The following AKAP6 variants were observed in gnomAD, a reference collection of about 807,000 sequenced individuals.
AKAP6 encodes A-kinase anchor protein 6.
In AKAP6, 58 loss-of-function variants were observed where a neutral mutation model predicts 188.5. That is an observed-to-expected ratio of 0.31 (90% CI 0.25 to 0.38). AKAP6 has a LOEUF of 0.38. Ranked by LOEUF, AKAP6 falls within the 10% of genes least tolerant of loss-of-function variation. AKAP6 has a pLI of 1.00. For missense variants in AKAP6, 2,710 were observed against 2,740.0 expected, an observed-to-expected ratio of 0.99 and a Z score of 0.24; for synonymous variants, 989 against 998.6, an observed-to-expected ratio of 0.99 and a Z score of 0.18.
At chr14:32,712,193 A>T (rs141652289) in intron 9 of AKAP6, among the ~76,000 whole-genome samples, 2 of 152,206 alleles carry the variant, frequency 1.3e-5, no homozygotes, top group African/African-American at 4.8e-5. Flanking sequence ...TTGCGTTTAC[A>T]CTATACTGTA....
chr14:32,583,941 T>C (rs1039022552), intron 5 of AKAP6, among the ~76,000 whole-genome samples: 2 of 152,244 alleles, frequency 1.3e-5, no homozygotes, highest in Non-Finnish European at 2.9e-5. Flanking sequence ...AGGGAGGCAA[T>C]GCCTCGCCCT....
intron 1 of AKAP6, among the ~76,000 whole-genome samples, chr14:32,412,344 A>G (rs1889515914): frequency 6.6e-6 from 1 of 152,258 alleles, no homozygotes; most frequent in Non-Finnish European, 1.5e-5. Flanking sequence ...GACACCATGT[A>G]GGATGCAAAA....
At position 32,599,227 on chromosome 14, in the gene AKAP6, A is replaced by T. The variant is rs550837458; in HGVS notation, c.2470-183A>T. Among the ~76,000 whole-genome samples, 3 of 152,316 alleles carry T rather than the reference A, an allele frequency of 2.0e-5. No individual in the cohort carries two copies. In the East Asian group the frequency reaches 5.8e-4, roughly 29 times the overall value. On this transcript the variant is annotated intron_variant, in intron 5 of 13. Transcript: ENST00000280979. ...TGTTTCCAAACAGATGCACTCAGCTAATCTAATGGAAACATTTTGAGCCCA... is the reference window on the plus strand; with the variant it reads ...TGTTTCCAAACAGATGCACTCAGCTTATCTAATGGAAACATTTTGAGCCCA...
intron 2 of AKAP6, among the ~76,000 whole-genome samples, chr14:32,500,620 G>A (rs911628758): frequency 2.0e-5 from 3 of 152,128 alleles, no homozygotes; most frequent in Non-Finnish European, 2.9e-5. Flanking sequence ...ACTTAGAATG[G>A]TGAAGATTTG....
chr14:32,401,189 C>T (rs1889080632), intron 1 of AKAP6, among the ~76,000 whole-genome samples: 1 of 152,076 alleles, frequency 6.6e-6, no homozygotes, highest in African/African-American at 2.4e-5. Context: ...GAGAAGGAAT[C>T]CTGATAGCTC....
At position 32,600,736 on chromosome 14, in the gene AKAP6, G is replaced by A. The variant is rs34572259; in HGVS notation, c.2674G>A (p.Glu892Lys). The change falls in exon 7 of 14, where the codon GAG becomes AAG. Residue 892 changes from glutamate to lysine, a missense_variant. Physicochemically the swap from Glu to Lys is moderately conservative, Grantham distance 56. This residue lies in a region of AKAP6 where 2,473 missense variants were observed against 2,426.1 expected (regional missense o/e 1.02). Transcript: ENST00000280979. ...ILRALDTIKAEILATDVSVED... is the reference protein window; with the variant it reads ...ILRALDTIKAKILATDVSVED... Reference sequence around the variant, plus strand: ...CAGGGCTCTGGATACCATCAAAGCCGAGATACTGGCTACTGATGTGTCTGT... The same window carrying A: ...CAGGGCTCTGGATACCATCAAAGCCAAGATACTGGCTACTGATGTGTCTGT... 13,349 of 1,613,424 alleles carry A rather than the reference G, an allele frequency of 8.3e-3. 83 individuals are homozygous for A. The highest frequency in any genetic ancestry group is 0.014 in the Middle Eastern group (82 of 5,938).
At chr14:32,491,286 T>C (rs1011483266) in intron 2 of AKAP6, among the ~76,000 whole-genome samples, 4 of 152,226 alleles carry the variant, frequency 2.6e-5, no homozygotes, top group African/African-American at 9.6e-5. Flanking sequence ...TATCTCCCAA[T>C]GTTTATATAA....
intron 9 of AKAP6, among the ~76,000 whole-genome samples, chr14:32,716,469 A>G (rs11621925): frequency 4.4e-4 from 66 of 151,072 alleles, no homozygotes; most frequent in African/African-American, 1.6e-3. Flanking sequence ...TTTAGTATAT[A>G]CTATAGTATA....
At position 32,546,290 on chromosome 14, in the gene AKAP6, C is replaced by A. The variant is rs1414367757; in HGVS notation, c.1637C>A (p.Thr546Lys). ...YTSKAIEGPQ[T>K]NSASTSSLEP... ...TCCAAGGCCATAGAGGGGCCACAAA[C>A]AAATTCTGCTTCCACATCCTCACTT... The change falls in exon 4 of 14, where the codon ACA becomes AAA. Residue 546 changes from threonine (T) to lysine (K), a missense_variant. Physicochemically the swap from Thr to Lys is moderately conservative, Grantham distance 78 (BLOSUM62 -1). Transcript: ENST00000280979. 2 of 1,614,176 alleles carry A rather than the reference C, an allele frequency of 1.2e-6. No homozygotes were observed. Among genetic ancestry groups the A allele is most frequent in the East Asian group, 4.5e-5 (2 of 44,886 alleles).
intron 2 of AKAP6, among the ~76,000 whole-genome samples, chr14:32,531,479 A>G: frequency 6.6e-6 from 1 of 152,254 alleles, no homozygotes; most frequent in South Asian, 2.1e-4. Flanking sequence ...GAGACTATAA[A>G]CTGCTTTTCC....
chr14:32,817,491 TTGTGTGTGTGTG>T (rs3033323), intron 12 of AKAP6, among the ~76,000 whole-genome samples: 2 of 145,342 alleles, frequency 1.4e-5, no homozygotes, highest in African/African-American at 5.1e-5. Context: ...GTGTCTGTGT[TTGTGTGTGTGTG>T]TGTGTGTGTG....
In AKAP6 at chr14:32,829,892, G is replaced by T. The variant is rs1234816016; in HGVS notation, c.*87G>T. On this transcript the variant is annotated 3_prime_UTR_variant, in exon 14 of 14. Transcript: ENST00000280979. ...AGGGGTGGCCTCATCCTCCCGCCCTGGGCTGGCCTCTGGTTCCATCACGTT... is the reference window on the plus strand; with the variant it reads ...AGGGGTGGCCTCATCCTCCCGCCCTTGGCTGGCCTCTGGTTCCATCACGTT... 5.7e-6 allele frequency: 4 copies of T among 702,622 alleles called. No homozygotes were observed. The highest frequency in any genetic ancestry group is 1.0e-5 in the Non-Finnish European group (4 of 384,746). The allele number at this position is 702,622 out of a possible 1,614,324, so 43.5% of individuals were successfully genotyped here.
At chr14:32,453,582 T>C (rs1202098711) in intron 2 of AKAP6, among the ~76,000 whole-genome samples, 1 of 5,750 alleles carries the variant, frequency 1.7e-4, no homozygotes. Context: ...TTTCTTTTTT[T>C]TTTTTTTTTT....
At position 32,790,499 on chromosome 14, in the gene AKAP6, A is replaced by G. The variant is rs555312412; in HGVS notation, c.3588+16606A>G. 9.5e-4 allele frequency among the ~76,000 whole-genome samples: 145 copies of G among 152,274 alleles called. 3 individuals are homozygous for G. The highest frequency in any genetic ancestry group is 3.2e-3 in the African/African-American group (134 of 41,562). Reference sequence around the variant, plus strand: ...AAGGCCAGGTCACTTACAAAGGGAAACCCATCAGACTAACCGTGGACCTCT... The same window carrying G: ...AAGGCCAGGTCACTTACAAAGGGAAGCCCATCAGACTAACCGTGGACCTCT... On this transcript the variant is annotated intron_variant, in intron 12 of 13. Transcript: ENST00000280979.
chr14:32,563,664 G>T (rs1026773784), intron 4 of AKAP6, among the ~76,000 whole-genome samples: 2 of 152,066 alleles, frequency 1.3e-5, no homozygotes, highest in African/African-American at 4.8e-5. Context: ...TTCGCCCTTC[G>T]TGGGACCTGT....
chr14:32,517,646 G>T (rs371255542), intron 2 of AKAP6, among the ~76,000 whole-genome samples: 71 of 152,378 alleles, frequency 4.7e-4, no homozygotes, highest in Non-Finnish European at 9.3e-4. Context: ...AAGGCTGGGG[G>T]AGGGGCGTCC....
chr14:32,528,097 C>T (rs1882221467), intron 2 of AKAP6, among the ~76,000 whole-genome samples: 1 of 152,042 alleles, frequency 6.6e-6, no homozygotes, highest in African/African-American at 2.4e-5. Context: ...ACCCTTAGGT[C>T]TGTGATATAT....
At chr14:32,493,539 G>A (rs944447209) in intron 2 of AKAP6, among the ~76,000 whole-genome samples, 2 of 152,078 alleles carry the variant, frequency 1.3e-5, no homozygotes, top group Non-Finnish European at 2.9e-5. Flanking sequence ...TTTGATATGC[G>A]ATTGGATCAT....
chr14:32,351,477 G>C (rs180774935), intron 1 of AKAP6, among the ~76,000 whole-genome samples: 2 of 151,418 alleles, frequency 1.3e-5, no homozygotes, highest in African/African-American at 4.9e-5. Context: ...CAGGAGAATC[G>C]CTTGAACCCT....
Sources: gnomAD v4.1 joint callset for allele counts (sites outside exome capture counted in the v4.1 genomes callset) on GRCh38, gnomAD v4.1.1 for gene constraint, gnomAD v4.1.1 regional missense constraint, MANE v1.5 for transcripts, NCBI Gene and HGNC (gene_info 2026-07-23, HGNC 2026-07-21) for gene names.